The following GSTA5 variants were observed in gnomAD, a reference collection of about 807,000 sequenced individuals.
GSTA5 encodes the protein glutathione S-transferase A5.
GSTA5 carries 25 observed loss-of-function variants against 21.8 expected under a neutral mutation model. The observed-to-expected ratio is 1.14, with a 90% CI of 0.83 to 1.60. The LOEUF (loss-of-function observed/expected upper bound fraction) is 1.60. GSTA5 is among the 40% of genes most tolerant of loss of function. The pLI is 0.00. For missense variants in GSTA5, 330 were observed against 259.2 expected (o/e 1.27, Z -1.88); for synonymous variants, 102 against 89.5 (o/e 1.14, Z -0.78).
At chr6:52,833,593 AG>A (rs564222927) in intron 4 of GSTA5, among the ~76,000 whole-genome samples, 26 of 152,314 alleles carry the variant, frequency 1.7e-4, no homozygotes, top group African/African-American at 5.8e-4. Context: ...TGAAGTGTTT[AG>A]GGGTGGACTG....
intron 1 of GSTA5, among the ~76,000 whole-genome samples, chr6:52,839,422 CA>C (rs2127324919): frequency 6.6e-6 from 1 of 152,280 alleles, no homozygotes; most frequent in African/African-American, 2.4e-5. Flanking sequence ...TTCATTTGTA[CA>C]AAGGAAACAA....
In GSTA5 at chr6:52,833,023, A is replaced by G. The variant is rs1398783352; in HGVS notation, c.415-33T>C. 1.9e-6 allele frequency: 3 copies of G among 1,613,110 alleles called. No individual in the cohort carries two copies. The African/African-American group carries it at 4.0e-5, about 22-fold the overall frequency. On this transcript the variant is annotated intron_variant, in intron 4 of 5. Transcript: ENST00000370989. Reference sequence around the variant, plus strand: ...ATTGGAGGAATCAGATCAGGAACACATGCACACCCAGGCTGGGACCCCTGC... The same window carrying G: ...ATTGGAGGAATCAGATCAGGAACACGTGCACACCCAGGCTGGGACCCCTGC...
At chr6:52,833,181 G>T (rs574671729) in intron 4 of GSTA5, among the ~76,000 whole-genome samples, 191 bp from the exon 5 acceptor site, 1 of 152,138 alleles carries the variant, frequency 6.6e-6, no homozygotes, top group African/African-American at 2.4e-5. Flanking sequence ...TCACTGCTTG[G>T]TTGGAGGCCA....
intron 1 of GSTA5, among the ~76,000 whole-genome samples, chr6:52,838,951 A>T (rs1764328667): frequency 2.0e-5 from 3 of 152,222 alleles, no homozygotes; most frequent in Non-Finnish European, 4.4e-5. Context: ...CCAGTGGCTA[A>T]TTATACTTTA....
intron 1 of GSTA5, 136 bp downstream of exon 1, chr6:52,840,591 A>C: frequency 1.2e-6 from 1 of 810,762 alleles, no homozygotes; most frequent in South Asian, 1.6e-5. Context: ...AAATCTATTC[A>C]TCTTTTTCTT....
intron 3 of GSTA5, 36 bp downstream of exon 3, chr6:52,836,200 T>G (rs772517993): frequency 1.9e-6 from 3 of 1,608,576 alleles, no homozygotes; most frequent in South Asian, 2.2e-5. Flanking sequence ...TCACTCTGTG[T>G]TCTCTGTGGA....
chr6:52,833,602 C>T (rs1016800255), intron 4 of GSTA5, among the ~76,000 whole-genome samples: 7 of 152,204 alleles, frequency 4.6e-5, no homozygotes, highest in Admixed American at 1.3e-4. Flanking sequence ...TAGGGGTGGA[C>T]TGCACTGATG....
intron 4 of GSTA5, 38 bp from the exon 5 acceptor site, chr6:52,833,028 C>T: frequency 1.2e-6 from 2 of 1,612,566 alleles, no homozygotes; most frequent in Non-Finnish European, 1.7e-6. Context: ...AACACATGCA[C>T]ACCCAGGCTG....
At chr6:52,833,228 T>C (rs1036731305) in intron 4 of GSTA5, among the ~76,000 whole-genome samples, 3 of 152,298 alleles carry the variant, frequency 2.0e-5, no homozygotes, top group South Asian at 4.1e-4. Flanking sequence ...ATCACTGTGG[T>C]GTCTACACAA....
At chr6:52,835,441 A>C (rs1220507964) in intron 3 of GSTA5, among the ~76,000 whole-genome samples, 1 of 151,932 alleles carries the variant, frequency 6.6e-6, no homozygotes, top group Non-Finnish European at 1.5e-5. Context: ...GGTTGTTTCC[A>C]CTTTTTGAAT....
chr6:52,832,718 TG>T, intron 5 of GSTA5, 140 bp downstream of exon 5: 1 of 1,388,336 alleles, frequency 7.2e-7, no homozygotes, highest in Non-Finnish European at 9.9e-7. Flanking sequence ...AATTGGAGCC[TG>T]GAAGCTCATT....
intron 1 of GSTA5, among the ~76,000 whole-genome samples, chr6:52,839,444 T>C (rs911213073): frequency 2.6e-5 from 4 of 152,152 alleles, no homozygotes; most frequent in Non-Finnish European, 4.4e-5. Flanking sequence ...CCTAGAATGA[T>C]AGTGTTTGGA....
chr6:52,832,787 T>G, intron 5 of GSTA5, 72 bp downstream of exon 5: 3 of 1,606,574 alleles, frequency 1.9e-6, no homozygotes, highest in Non-Finnish European at 2.6e-6. Flanking sequence ...ACATGGTCAG[T>G]CCCGGGGCCC....
chr6:52,840,635 T>C, intron 1 of GSTA5, 92 bp downstream of exon 1: 1 of 1,149,304 alleles, frequency 8.7e-7, no homozygotes, highest in South Asian at 1.3e-5. Context: ...GGCACAATGC[T>C]TCAGTAAGTA....
chr6:52,842,093 TTGAC>T (rs1240220622), upstream of GSTA5, among the ~76,000 whole-genome samples: 1 of 152,184 alleles, frequency 6.6e-6, no homozygotes, highest in African/African-American at 2.4e-5. Flanking sequence ...TAGAGAGAAA[TTGAC>T]TGGGCTCATC....
intron 1 of GSTA5, among the ~76,000 whole-genome samples, chr6:52,837,940 T>G (rs1208156969): frequency 6.6e-6 from 1 of 152,228 alleles, no homozygotes; most frequent in African/African-American, 2.4e-5. Flanking sequence ...CATATCTTAG[T>G]AAAGCCCGTG....
chr6:52,836,528 T>C (rs1764296643), intron 2 of GSTA5, among the ~76,000 whole-genome samples, 160 bp from the exon 3 acceptor site: 1 of 152,246 alleles, frequency 6.6e-6, no homozygotes, highest in African/African-American at 2.4e-5. Flanking sequence ...GTTTTGTTTT[T>C]TGAGACAGAG....
chr6:52,839,829 T>C (rs1308817845), intron 1 of GSTA5, among the ~76,000 whole-genome samples: 1 of 152,242 alleles, frequency 6.6e-6, no homozygotes, highest in Non-Finnish European at 1.5e-5. Context: ...GAGGATGACC[T>C]GGTAACACTG....
chr6:52,832,088 C>G, intron 5 of GSTA5, 118 bp from the exon 6 acceptor site: 1 of 1,373,720 alleles, frequency 7.3e-7, no homozygotes, highest in Non-Finnish European at 9.8e-7. Flanking sequence ...CCATGAGTAC[C>G]AGCATGGAGG....
Sources: allele counts gnomAD v4.1 joint callset (sites outside exome capture counted in the v4.1 genomes callset), GRCh38; gene constraint gnomAD v4.1.1; transcripts MANE v1.5; gene names NCBI Gene and HGNC (gene_info 2026-07-23, HGNC 2026-07-21).